Variants in PDZRN4 observed in about 807,000 individuals in gnomAD.
The protein encoded by PDZRN4 is PDZ domain containing ring finger 4, also known as PDZ domain-containing RING finger protein 4.
Under a neutral mutation model 99.0 loss-of-function variants are expected in PDZRN4, and 70 were observed. The observed-to-expected ratio is 0.71, with a 90% CI of 0.58 to 0.86. The LOEUF is 0.86. Ranked by LOEUF, PDZRN4 falls within the 40% of genes least tolerant of loss-of-function variation. The probability of loss-of-function intolerance (pLI) is 0.00; values close to 1 mark genes in which losing one functional copy is unlikely to be tolerated. For synonymous variants in PDZRN4, 551 were observed against 501.6 expected (o/e 1.10, Z -1.32); for missense variants, 1,474 against 1,331.2 (o/e 1.11, Z -1.67).
At chr12:41,469,678 T>A (rs1250766095) in intron 3 of PDZRN4, among the ~76,000 whole-genome samples, 1 of 152,296 alleles carries the variant, frequency 6.6e-6, no homozygotes, top group East Asian at 1.9e-4. Context: ...ACGCCTGTAA[T>A]CCCAGCACTT....
At chr12:41,452,771 G>T (rs1184306913) in intron 3 of PDZRN4, among the ~76,000 whole-genome samples, 4 of 152,148 alleles carry the variant, frequency 2.6e-5, no homozygotes, top group Admixed American at 2.0e-4. Flanking sequence ...TTGTGAACCT[G>T]AATATCCATA....
intron 3 of PDZRN4, among the ~76,000 whole-genome samples, chr12:41,429,685 G>A (rs1952569335): frequency 1.3e-5 from 2 of 152,024 alleles, no homozygotes; most frequent in South Asian, 4.1e-4. Flanking sequence ...ATGCAGAGAG[G>A]ATATATTAAG....
intron 3 of PDZRN4, among the ~76,000 whole-genome samples, chr12:41,416,611 C>T (rs1281454965): frequency 1.3e-5 from 2 of 152,086 alleles, no homozygotes; most frequent in African/African-American, 2.4e-5. Flanking sequence ...GAGCAGAGAT[C>T]GCACCAATGC....
chr12:41,464,713 A>G (rs1319126518), intron 3 of PDZRN4, among the ~76,000 whole-genome samples: 2 of 152,240 alleles, frequency 1.3e-5, no homozygotes, highest in South Asian at 4.1e-4. Flanking sequence ...AAAAGCAAAG[A>G]CATTTTGTGA....
intron 4 of PDZRN4, among the ~76,000 whole-genome samples, chr12:41,508,172 A>T (rs1938240806): frequency 1.3e-5 from 2 of 152,150 alleles, no homozygotes; most frequent in South Asian, 4.1e-4. Context: ...ATTAAGTAAC[A>T]TGGCCAAGAT....
At chr12:41,559,291 T>C (rs1025445858) in intron 7 of PDZRN4, among the ~76,000 whole-genome samples, 1 of 152,208 alleles carries the variant, frequency 6.6e-6, no homozygotes, top group Non-Finnish European at 1.5e-5. Flanking sequence ...ATAGTTGTGG[T>C]TCTCCTGTGT....
intron 3 of PDZRN4, among the ~76,000 whole-genome samples, chr12:41,253,891 C>T (rs1478458023): frequency 6.6e-6 from 1 of 151,952 alleles, no homozygotes; most frequent in African/African-American, 2.4e-5. Flanking sequence ...CAGAGAAAGA[C>T]AACTATTGCA....
intron 3 of PDZRN4, among the ~76,000 whole-genome samples, chr12:41,394,117 G>A (rs907164556): frequency 1.3e-5 from 2 of 152,142 alleles, no homozygotes; most frequent in Non-Finnish European, 2.9e-5. Context: ...CTGGGTTGCA[G>A]ACAGCTGTCT....
At chr12:41,340,010 C>T (rs1951804965) in intron 3 of PDZRN4, among the ~76,000 whole-genome samples, 1 of 151,934 alleles carries the variant, frequency 6.6e-6, no homozygotes, top group Non-Finnish European at 1.5e-5. Flanking sequence ...TATGAATAAC[C>T]TTATGAAAGT....
rs374645706 is a variant in PDZRN4 at position 41,317,048 on chromosome 12, G to GTATACATACATACATATATATATATA, written c.843+122864_843+122865insCATACATACATATATATATATATATA. 2.9e-5 allele frequency among the ~76,000 whole-genome samples: 2 copies of GTATACATACATACATATATATATATA among 69,588 alleles called. 1 individual carries two copies. Among genetic ancestry groups the GTATACATACATACATATATATATATA allele is most frequent in the Non-Finnish European group, 7.0e-5 (2 of 28,580 alleles). The allele number at this position is 69,588 out of a possible 152,430, so 45.7% of individuals were successfully genotyped here. A position where few individuals can be genotyped will look rare whatever the true frequency, so the allele number is the denominator to read the frequency against. ...TCCAGAGAATCATAACTTACATAAA[G>GTATACATACATACATATATATATATA]TATATATATATATATATATATATAT... On this transcript the variant is annotated intron_variant, in intron 3 of 9. Coordinates refer to ENST00000402685, the MANE Select transcript of PDZRN4 (RefSeq NM_001164595.2).
intron 3 of PDZRN4, among the ~76,000 whole-genome samples, chr12:41,401,787 G>T (rs927628622): frequency 1.3e-5 from 2 of 151,856 alleles, no homozygotes; most frequent in African/African-American, 2.4e-5. Context: ...GTCACAAAAA[G>T]ACTATAATCT....
intron 3 of PDZRN4, among the ~76,000 whole-genome samples, chr12:41,209,104 T>C (rs1252696941): frequency 1.3e-5 from 2 of 151,880 alleles, no homozygotes; most frequent in Non-Finnish European, 2.9e-5. Flanking sequence ...TGTAAGATAA[T>C]TTTTTAATTT....
chr12:41,570,227 C>T (rs767280485), intron 9 of PDZRN4, among the ~76,000 whole-genome samples: 1 of 152,048 alleles, frequency 6.6e-6, no homozygotes, highest in Non-Finnish European at 1.5e-5. Context: ...GTACAGAAAC[C>T]TTTAAAAGTC....
At chr12:41,332,804 C>A (rs1951749274) in intron 3 of PDZRN4, among the ~76,000 whole-genome samples, 1 of 137,370 alleles carries the variant, frequency 7.3e-6, no homozygotes. Flanking sequence ...GGGGGCATAA[C>A]AAAAACAGTT....
chr12:41,205,530 G>A (rs180877510), intron 3 of PDZRN4, among the ~76,000 whole-genome samples: 3 of 151,946 alleles, frequency 2.0e-5, no homozygotes, highest in African/African-American at 7.2e-5. Context: ...AATGCACCCA[G>A]CACTTTCCCG....
intron 3 of PDZRN4, among the ~76,000 whole-genome samples, chr12:41,505,561 A>G (rs1199085108): frequency 6.6e-6 from 1 of 152,164 alleles, no homozygotes; most frequent in Non-Finnish European, 1.5e-5. Context: ...GTTGGGAAAC[A>G]TTCCTGGCCC....
intron 1 of PDZRN4, 146 bp from the exon 2 acceptor site, chr12:41,191,312 C>T (rs916346928): frequency 1.7e-6 from 1 of 589,714 alleles, no homozygotes; most frequent in Admixed American, 3.4e-5. Context: ...AAAATGTCAA[C>T]CTTCTGCCAC....
intron 3 of PDZRN4, among the ~76,000 whole-genome samples, chr12:41,251,682 A>G (rs1038404235): frequency 6.6e-5 from 10 of 152,212 alleles, no homozygotes; most frequent in Admixed American, 5.2e-4. Flanking sequence ...CCCTTTGTAT[A>G]TGATCTATGA....
chr12:41,445,373 A>G (rs1952716667), intron 3 of PDZRN4, among the ~76,000 whole-genome samples: 1 of 152,120 alleles, frequency 6.6e-6, no homozygotes, highest in South Asian at 2.1e-4. Context: ...CAATCATGTT[A>G]GTAACAAATG....
Sources: allele counts gnomAD v4.1 joint callset (sites outside exome capture counted in the v4.1 genomes callset), GRCh38; gene constraint gnomAD v4.1.1; transcripts MANE v1.5; gene names NCBI Gene and HGNC (gene_info 2026-07-23, HGNC 2026-07-21).